The following SETBP1 variants were observed in gnomAD, a reference collection of about 807,000 sequenced individuals.
The protein encoded by SETBP1 is SET-binding protein.
A neutral mutation model predicts 101.0 loss-of-function variants in SETBP1; 9 were observed. The observed-to-expected ratio is 0.09, with a 90% CI of 0.05 to 0.16. The LOEUF is 0.16. Ranked by LOEUF, SETBP1 falls within the 10% of genes least tolerant of loss-of-function variation. The pLI, the probability that SETBP1 is intolerant of heterozygous loss-of-function variation, is 1.00. For synonymous variants in SETBP1, 818 were observed against 788.5 expected, an observed-to-expected ratio of 1.04 and a Z score of -0.63; for missense variants, 1,858 against 2,033.8, an observed-to-expected ratio of 0.91 and a Z score of 1.66.
chr18:44,878,276 A>G (rs1164005335), intron 3 of SETBP1, among the ~76,000 whole-genome samples: 2 of 152,188 alleles, frequency 1.3e-5, no homozygotes, highest in African/African-American at 2.4e-5. Flanking sequence ...GGAGACTCCA[A>G]AGATTTCCTT....
At chr18:45,015,672 A>G (rs939749390) in intron 4 of SETBP1, among the ~76,000 whole-genome samples, 2 of 152,250 alleles carry the variant, frequency 1.3e-5, no homozygotes, top group Non-Finnish European at 1.5e-5. Flanking sequence ...ATGCCTGTGC[A>G]TCTACCTTTA....
chr18:44,802,023 C>A (rs1219956212), intron 2 of SETBP1, among the ~76,000 whole-genome samples: 1 of 152,154 alleles, frequency 6.6e-6, no homozygotes, highest in Non-Finnish European at 1.5e-5. Flanking sequence ...ACTCTGGCTA[C>A]AGTAAATTTC....
intron 4 of SETBP1, among the ~76,000 whole-genome samples, chr18:45,007,253 G>A (rs536481859): frequency 8.5e-5 from 13 of 152,248 alleles, no homozygotes; most frequent in Middle Eastern, 3.4e-3. Flanking sequence ...TTATGCAACT[G>A]TTACTTTTAT....
Position 45,063,665 on chromosome 18 carries a change from G to A in SETBP1, c.4758G>A (p.Lys1586=). Reference sequence around the variant, plus strand: ...AGGTGAAAGCCAAAAGGCAGAGGAAGTCCCGAGGGAGTGAGAGCGAGGTCC... The same window carrying A: ...AGGTGAAAGCCAAAAGGCAGAGGAAATCCCGAGGGAGTGAGAGCGAGGTCC... ...EEEVKAKRQR[K]SRGSESEVLP The change falls in exon 6 of 6, where the codon AAG becomes AAA. Residue 1586 remains lysine, a synonymous_variant. Transcript: ENST00000649279. 6.2e-7 allele frequency: 1 copy of A among 1,608,860 alleles called. No homozygotes were observed. The highest frequency in any genetic ancestry group is 1.1e-5 in the South Asian group (1 of 89,856).
rs943914931 is a variant in SETBP1, at chr18:45,065,193, T to C, written c.*1495T>C. 2.0e-5 allele frequency: 3 copies of C among 152,202 alleles called. No homozygotes were observed. The highest frequency in any genetic ancestry group is 7.2e-5 in the African/African-American group (3 of 41,456). 9.4% of individuals were successfully genotyped at this position (152,202 alleles called of 1,614,324 possible). ...CCATTTCCACAGCCCAAATAAAATA[T>C]GTTAAGCAGGCTCAGAATGAATATG... On this transcript the variant is annotated 3_prime_UTR_variant, in exon 6 of 6. Coordinates refer to ENST00000649279, the MANE Select transcript of SETBP1 (RefSeq NM_015559.3).
chr18:44,965,566 G>A (rs1231064885), intron 4 of SETBP1, among the ~76,000 whole-genome samples: 1 of 152,030 alleles, frequency 6.6e-6, no homozygotes, highest in Non-Finnish European at 1.5e-5. Context: ...TCCTCAACCA[G>A]TAAGTCCACA....
At chr18:44,846,311 G>A (rs980323652) in intron 2 of SETBP1, among the ~76,000 whole-genome samples, 1 of 152,140 alleles carries the variant, frequency 6.6e-6, no homozygotes. Flanking sequence ...TCTTAAAAGT[G>A]TGCAATTCAG....
chr18:44,784,418 A>T (rs1306081408), intron 2 of SETBP1, among the ~76,000 whole-genome samples: 1 of 152,058 alleles, frequency 6.6e-6, no homozygotes, highest in Admixed American at 6.5e-5. Flanking sequence ...ACTTGCTATG[A>T]TCTGTTCTCT....
At chr18:44,690,500 G>A (rs1230563840) in intron 1 of SETBP1, among the ~76,000 whole-genome samples, 2 of 152,208 alleles carry the variant, frequency 1.3e-5, no homozygotes, top group Non-Finnish European at 2.9e-5. Flanking sequence ...CTGTTAGATG[G>A]TTCAGTTTAT....
intron 1 of SETBP1, among the ~76,000 whole-genome samples, chr18:44,697,641 C>A (rs1057401140): frequency 9.9e-5 from 15 of 152,210 alleles, no homozygotes; most frequent in Admixed American, 9.8e-4. Flanking sequence ...TTAGGCTCAA[C>A]CTGAGGCTGA....
At chr18:44,871,082 CGTGTCAT>C (rs2069263616) in intron 3 of SETBP1, 1 of 152,054 alleles carries the variant, frequency 6.6e-6, no homozygotes, top group African/African-American at 2.4e-5. Context: ...ATTCCATTTG[CGTGTCAT>C]CACCCTGAGG....
intron 2 of SETBP1, among the ~76,000 whole-genome samples, chr18:44,785,834 T>C (rs1442101575): frequency 6.6e-6 from 1 of 152,230 alleles, no homozygotes; most frequent in African/African-American, 2.4e-5. Context: ...ATTTTGCCTA[T>C]GGGACCTGCT....
chr18:44,973,128 A>G (rs2071906677), intron 4 of SETBP1, among the ~76,000 whole-genome samples: 1 of 152,142 alleles, frequency 6.6e-6, no homozygotes, highest in South Asian at 2.1e-4. Context: ...GCATCTATTG[A>G]GATAATCATC....
chr18:44,993,594 A>G (rs1001613883), intron 4 of SETBP1, among the ~76,000 whole-genome samples: 19 of 152,064 alleles, frequency 1.2e-4, no homozygotes, highest in Non-Finnish European at 1.5e-4. Flanking sequence ...TCATTTTTAA[A>G]AATGAGTCTT....
chr18:44,791,082 A>G (rs2071362162), intron 2 of SETBP1, among the ~76,000 whole-genome samples: 1 of 152,198 alleles, frequency 6.6e-6, no homozygotes, highest in South Asian at 2.1e-4. Context: ...AGTTAAGTTG[A>G]CAATGGACTA....
chr18:44,994,639 GGT>G (rs1328758833), intron 4 of SETBP1, among the ~76,000 whole-genome samples: 1 of 152,088 alleles, frequency 6.6e-6, no homozygotes, highest in Admixed American at 6.6e-5. Context: ...GACACAACTT[GGT>G]TGCCCATTGA....
intron 2 of SETBP1, among the ~76,000 whole-genome samples, chr18:44,792,789 T>G (rs2071396029): frequency 6.6e-6 from 1 of 152,160 alleles, no homozygotes. Flanking sequence ...ACACACAGTG[T>G]TATCTAGCTC....
At chr18:44,962,254 T>C (rs933547483) in intron 4 of SETBP1, among the ~76,000 whole-genome samples, 1 of 151,970 alleles carries the variant, frequency 6.6e-6, no homozygotes, top group African/African-American at 2.4e-5. Flanking sequence ...GCTTGGAGAG[T>C]AGGTTCACAG....
intron 4 of SETBP1, among the ~76,000 whole-genome samples, chr18:44,995,707 G>A (rs765732977): frequency 1.3e-5 from 2 of 152,146 alleles, no homozygotes. Flanking sequence ...TGGGATCAGT[G>A]TCTGCCAAGG....
Sources: allele counts gnomAD v4.1 joint callset (sites outside exome capture counted in the v4.1 genomes callset), GRCh38; gene constraint gnomAD v4.1.1; transcripts MANE v1.5; gene names NCBI Gene and HGNC (gene_info 2026-07-23, HGNC 2026-07-21).